The following TRABD2B variants were observed in gnomAD, a reference collection of about 807,000 sequenced individuals.
The protein encoded by TRABD2B is metalloprotease TIKI2.
In TRABD2B, 14 loss-of-function variants were observed where a neutral mutation model predicts 40.1. The ratio of observed to expected loss-of-function variants is 0.35; its 90% CI spans 0.23 to 0.55. TRABD2B has a LOEUF of 0.55. TRABD2B is among the 20% of genes least tolerant of loss of function. The pLI, the probability that TRABD2B is intolerant of heterozygous loss-of-function variation, is 0.90. For missense variants in TRABD2B, 541 were observed against 648.6 expected (o/e 0.83, Z 1.80); for synonymous variants, 263 against 277.0 (o/e 0.95, Z 0.50).
intron 3 of TRABD2B, among the ~76,000 whole-genome samples, chr1:47,800,951 G>C (rs769775294): frequency 3.9e-5 from 6 of 152,188 alleles, no homozygotes; most frequent in Non-Finnish European, 8.8e-5. Flanking sequence ...GCTGGAGGAA[G>C]CATCTTGGAA....
chr1:47,807,556 A>T lies in TRABD2B; in HGVS notation c.667-5937T>A, dbSNP rs143593523. On this transcript the variant is annotated intron_variant, in intron 2 of 6. Transcript: ENST00000606738. ...GTAGTCAGCAATACCAGCTATGATA[A>T]CGTGACCAGTGACAGAGATGAGAAC... is the stretch of plus-strand genomic sequence containing the variant. Among the ~76,000 whole-genome samples the T allele has an allele frequency of 5.2e-4, 79 of 152,282 alleles. 1 individual carries two copies. In the East Asian group the frequency reaches 0.014, roughly 27 times the overall value.
intron 2 of TRABD2B, among the ~76,000 whole-genome samples, chr1:47,888,144 G>A (rs1386902515): frequency 1.3e-5 from 2 of 152,220 alleles, no homozygotes; most frequent in African/African-American, 4.8e-5. Context: ...AGGCTAAAGT[G>A]TCTTCCAGGA....
Position 47,765,230 on chromosome 1 carries a change from T to A in TRABD2B, c.*672A>T, listed in dbSNP as rs898334900. ...TTGTTCTGTGGGGTGGGGACTGCTT[T>A]CCTCAGCACCAGTATCCCACCTCCC... On this transcript the variant is annotated 3_prime_UTR_variant, in exon 7 of 7. Coordinates refer to ENST00000606738, the MANE Select transcript of TRABD2B (RefSeq NM_001194986.2). The A allele has an allele frequency of 6.6e-6, 1 of 152,374 alleles. No individual in the cohort carries two copies. Among genetic ancestry groups the A allele is most frequent in the African/African-American group, 2.4e-5 (1 of 41,428 alleles). The allele number at this position is 152,374 out of a possible 1,614,324, so 9.4% of individuals were successfully genotyped here. A position where few individuals can be genotyped will look rare whatever the true frequency, so the allele number is the denominator to read the frequency against.
chr1:47,948,276 G>C (rs1015440670), intron 2 of TRABD2B, among the ~76,000 whole-genome samples: 7 of 149,538 alleles, frequency 4.7e-5, no homozygotes, highest in African/African-American at 1.5e-4. Context: ...TGTCCTTTAG[G>C]GGGAGCAGAC....
chr1:47,987,859 CAGA>C, intron 2 of TRABD2B, among the ~76,000 whole-genome samples: 1 of 152,284 alleles, frequency 6.6e-6, no homozygotes, highest in East Asian at 1.9e-4. Context: ...AAGGTCGCGC[CAGA>C]AGAAGCCTGT....
chr1:47,988,230 T>A (rs1298166637), intron 2 of TRABD2B, among the ~76,000 whole-genome samples: 1 of 151,828 alleles, frequency 6.6e-6, no homozygotes, highest in African/African-American at 2.4e-5. Context: ...AAGAACAGGG[T>A]CTCTATCTGA....
rs1484151340 is a variant in TRABD2B at position 47,997,101 on chromosome 1, C to T, written c.-312G>A. On this transcript the variant is annotated 5_prime_UTR_variant, in exon 1 of 7. Transcript: ENST00000606738. ...GGCGCGCGGGGTCCCGGAGCTGCGTCGCGGTCCAGGGGCGCGCGGGGTTCC... is the reference window on the plus strand; with the variant it reads ...GGCGCGCGGGGTCCCGGAGCTGCGTTGCGGTCCAGGGGCGCGCGGGGTTCC... 10 of 982,664 alleles carry T rather than the reference C, an allele frequency of 1.0e-5. No individual in the cohort carries two copies. Among genetic ancestry groups the T allele is most frequent in the Non-Finnish European group, 1.2e-5 (10 of 828,592 alleles). The allele number at this position is 982,664 out of a possible 1,614,324, so 60.9% of individuals were successfully genotyped here.
chr1:47,809,127 C>T (rs973602337), intron 2 of TRABD2B, among the ~76,000 whole-genome samples: 7 of 152,146 alleles, frequency 4.6e-5, no homozygotes, highest in Admixed American at 3.9e-4. Context: ...CCCTTTGCAC[C>T]TGGCTGTAGA....
At chr1:47,942,187 C>T (rs1344070769) in intron 2 of TRABD2B, among the ~76,000 whole-genome samples, 2 of 152,166 alleles carry the variant, frequency 1.3e-5, no homozygotes, top group Admixed American at 1.3e-4. Flanking sequence ...CTCAGACTCC[C>T]TGGTTCACCA....
intron 2 of TRABD2B, among the ~76,000 whole-genome samples, chr1:47,959,507 T>TA (rs994682252): frequency 2.1e-4 from 32 of 151,848 alleles, no homozygotes; most frequent in African/African-American, 7.2e-4. Context: ...ATAGATGCAA[T>TA]AAAAAAATGA....
intron 2 of TRABD2B, among the ~76,000 whole-genome samples, chr1:47,863,238 G>C (rs1644000163): frequency 1.3e-5 from 2 of 150,844 alleles, no homozygotes; most frequent in Non-Finnish European, 3.0e-5. Flanking sequence ...TAAAAAATCT[G>C]CTCTGTGAAG....
chr1:47,778,401 TG>T, intron 5 of TRABD2B, 52 bp downstream of exon 5: 1 of 1,343,258 alleles, frequency 7.4e-7, no homozygotes, highest in Non-Finnish European at 1.0e-6. Context: ...CCTGAAAGCC[TG>T]GGCAGGAAGG....
chr1:47,816,649 C>T (rs553285522), intron 2 of TRABD2B, among the ~76,000 whole-genome samples: 1 of 152,300 alleles, frequency 6.6e-6, no homozygotes, highest in African/African-American at 2.4e-5. Flanking sequence ...CCCTGATCCC[C>T]CAGATCCACT....
intron 2 of TRABD2B, among the ~76,000 whole-genome samples, chr1:47,890,060 C>T (rs1471493870): frequency 6.6e-6 from 1 of 152,196 alleles, no homozygotes; most frequent in African/African-American, 2.4e-5. Flanking sequence ...GTTACCCTGC[C>T]TGCCTCACCC....
chr1:47,815,798 GAGATAGATAGATAGAT>G (rs6143214), intron 2 of TRABD2B, among the ~76,000 whole-genome samples: 3,563 of 149,108 alleles, frequency 0.024, 66 homozygotes, highest in Middle Eastern at 0.062. Flanking sequence ...GATGGTGACA[GAGATAGATAGATAGAT>G]AGATAGATAG....
At chr1:47,824,669 A>C (rs1398420002) in intron 2 of TRABD2B, among the ~76,000 whole-genome samples, 5 of 152,188 alleles carry the variant, frequency 3.3e-5, no homozygotes, top group African/African-American at 9.7e-5. Flanking sequence ...GAGGCCCCAC[A>C]ACCAAGAGGC....
At chr1:47,975,891 G>A (rs1003379734) in intron 2 of TRABD2B, among the ~76,000 whole-genome samples, 2 of 152,170 alleles carry the variant, frequency 1.3e-5, no homozygotes, top group South Asian at 2.1e-4. Context: ...GGAGTGACAA[G>A]AGGAAGGACA....
intron 2 of TRABD2B, among the ~76,000 whole-genome samples, chr1:47,804,045 C>A (rs143941313): frequency 2.0e-5 from 3 of 152,204 alleles, no homozygotes; most frequent in Non-Finnish European, 4.4e-5. Context: ...CAGGGCCAAG[C>A]GTGTGCTCAT....
intron 2 of TRABD2B, among the ~76,000 whole-genome samples, chr1:47,909,446 G>T (rs905402885): frequency 2.0e-5 from 3 of 147,646 alleles, no homozygotes; most frequent in African/African-American, 7.5e-5. Context: ...GAGAGAAGAA[G>T]AAGAAGAAGG....
Sources: allele counts gnomAD v4.1 joint callset (sites outside exome capture counted in the v4.1 genomes callset), GRCh38; gene constraint gnomAD v4.1.1; transcripts MANE v1.5; gene names NCBI Gene and HGNC (gene_info 2026-07-23, HGNC 2026-07-21).